Variants in PPEF2 observed in about 807,000 individuals in gnomAD.
PPEF2 encodes serine/threonine-protein phosphatase with EF-hands 2.
In PPEF2, 84 loss-of-function variants were observed where a neutral mutation model predicts 84.7. That is an observed-to-expected ratio of 0.99 (90% confidence interval 0.83 to 1.19). The LOEUF (loss-of-function observed/expected upper bound fraction) is 1.19, where lower values mean the gene tolerates loss of function less well. Ranked by LOEUF, PPEF2 falls within the 50% of genes most tolerant of loss-of-function variation. The pLI, the probability that PPEF2 is intolerant of heterozygous loss-of-function variation, is 0.00. For synonymous variants in PPEF2, 346 were observed against 345.2 expected, an observed-to-expected ratio of 1.00 and a Z score of -0.03; for missense variants, 924 against 937.5, an observed-to-expected ratio of 0.99 and a Z score of 0.19.
At chr4:75,873,072 C>A in intron 12 of PPEF2, 55 bp downstream of exon 12, 1 of 1,516,130 alleles carries the variant, frequency 6.6e-7, no homozygotes, top group South Asian at 1.2e-5. Flanking sequence ...GGCCTGAGCC[C>A]TTCGGACTAC....
intron 10 of PPEF2, among the ~76,000 whole-genome samples, chr4:75,877,363 A>C: frequency 5.5e-5 from 1 of 18,056 alleles, no homozygotes; most frequent in South Asian, 0.016. Context: ...AATAAAAAAG[A>C]GAGAGAGAAA....
intron 5 of PPEF2, 24 bp downstream of exon 5, chr4:75,889,933 C>A: frequency 1.2e-6 from 2 of 1,612,858 alleles, no homozygotes; most frequent in Non-Finnish European, 1.7e-6. Flanking sequence ...TTGGTAGTGA[C>A]CCAGGTTCCC....
intron 10 of PPEF2, among the ~76,000 whole-genome samples, chr4:75,882,176 C>T (rs1724592897): frequency 6.6e-6 from 1 of 152,206 alleles, no homozygotes; most frequent in East Asian, 1.9e-4. Context: ...AGGGCAGGCA[C>T]CATCTCTGTT....
chr4:75,890,848 AT>A (rs1309746239), intron 4 of PPEF2, among the ~76,000 whole-genome samples: 1 of 152,198 alleles, frequency 6.6e-6, no homozygotes, highest in Admixed American at 6.5e-5. Flanking sequence ...CTGAGGACTT[AT>A]TTCCTGGATC....
At chr4:75,861,614 G>GTTTTTTTTTTTTTTTTTTTTTTTT (rs71210216) in intron 16 of PPEF2, among the ~76,000 whole-genome samples, 2 of 86,144 alleles carry the variant, frequency 2.3e-5, no homozygotes, top group African/African-American at 3.3e-5. Context: ...TTATGCAACA[G>GTTTTTTTTTTTTTTTTTTTTTTTT]TTTTTTTTTT....
At chr4:75,871,139 C>T (rs1404805704) in intron 13 of PPEF2, among the ~76,000 whole-genome samples, 1 of 152,028 alleles carries the variant, frequency 6.6e-6, no homozygotes, top group Non-Finnish European at 1.5e-5. Flanking sequence ...AGGCCAGTCT[C>T]AAACTCCTGA....
Position 75,876,389 on chromosome 4 carries a change from GC to G in PPEF2, c.1217del (p.Gly406AlafsTer4). 1.2e-6 allele frequency: 2 copies of G among 1,614,152 alleles called. No individual in the cohort carries two copies. Among genetic ancestry groups the G allele is most frequent in the South Asian group, 1.1e-5 (1 of 91,084 alleles). Reference protein sequence around the residue: ...LELERCRQQAGLLVTGEKEEP... With the variant: ...LELERCRQQAXLLVTGEKEEP... ...CCTCTTTCTCTCCGGTCACCAGGAG[GC>G]CTGCTTGCTGCCGGCACCGCTCTAG... On this transcript the variant is annotated frameshift_variant, in exon 11 of 17. Coordinates refer to ENST00000286719, the MANE Select transcript of PPEF2 (RefSeq NM_006239.3). LOFTEE classifies it high-confidence loss of function.
Position 75,890,086 on chromosome 4 carries a change from G to C in PPEF2, c.288C>G (p.Asp96Glu). 6.2e-7 allele frequency: 1 copy of C among 1,614,134 alleles called. No homozygotes were observed. Among genetic ancestry groups the C allele is most frequent in the Non-Finnish European group, 8.5e-7 (1 of 1,180,024 alleles). Residue 96 changes from aspartate (D) to glutamate (E), a missense_variant, in exon 5 of 17, where the codon GAC becomes GAG. Physicochemically the swap from Asp to Glu is conservative, Grantham distance 45. Coordinates refer to ENST00000286719, the MANE Select transcript of PPEF2 (RefSeq NM_006239.3). ...AGTCACTGCATTTCTTCATCTCGGA[G>C]TCCTGGGCGAATCTGTCCTCAGTGA... ...RIFTEDRFAQ[D>E]SEMKKCSDYE...
chr4:75,898,440 C>A (rs1218172002), intron 1 of PPEF2, among the ~76,000 whole-genome samples: 2 of 152,204 alleles, frequency 1.3e-5, no homozygotes, highest in Non-Finnish European at 2.9e-5. Flanking sequence ...CTTAAGCTGG[C>A]TAACTTTATT....
rs770933484 is a variant in PPEF2, at chr4:75,891,972, T to C, written c.62A>G (p.Lys21Arg). 2 of 1,613,192 alleles carry C rather than the reference T, an allele frequency of 1.2e-6. No individual in the cohort carries two copies. The highest frequency in any genetic ancestry group is 1.7e-6 in the Non-Finnish European group (2 of 1,179,210). The change falls in exon 3 of 17, where the codon AAG (lysine) becomes AGG (arginine). Residue 21 changes from lysine (K) to arginine (R), a missense_variant. By Grantham distance (26) the Lys-to-Arg change is conservative. Coordinates refer to ENST00000286719, the MANE Select transcript of PPEF2 (RefSeq NM_006239.3). ...FAFQNAERAF[K>R]AAALIQRWYR... ...CCATCTCTGGATCAGGGCTGCTGCC[T>C]TGAAGGCTATGACACCGATGGAGAA...
intron 10 of PPEF2, among the ~76,000 whole-genome samples, chr4:75,880,021 G>T (rs940522884): frequency 4.0e-5 from 6 of 151,848 alleles, no homozygotes; most frequent in African/African-American, 1.5e-4. Context: ...TAGAGACGGG[G>T]GTTTCACCAT....
At chr4:75,884,093 A>G (rs1339973667) in intron 8 of PPEF2, among the ~76,000 whole-genome samples, 1 of 151,702 alleles carries the variant, frequency 6.6e-6, no homozygotes, top group Non-Finnish European at 1.5e-5. Flanking sequence ...AGATTGTGCC[A>G]TTGCACAGCC....
chr4:75,877,261 C>T lies in PPEF2; in HGVS notation c.934-588G>A, dbSNP rs181641324. Among the ~76,000 whole-genome samples, 525 of 151,634 alleles carry T rather than the reference C, an allele frequency of 3.5e-3. 1 individual carries two copies. The highest frequency in any genetic ancestry group is 5.3e-3 in the Non-Finnish European group (363 of 67,924). ...CTGAGGCAGGGGAATTGCTTGAACC[C>T]GGGAGGCGGAGGTTGCGGTGAGCCA... On this transcript the variant is annotated intron_variant, in intron 10 of 16. Coordinates refer to ENST00000286719, the MANE Select transcript of PPEF2 (RefSeq NM_006239.3).
At chr4:75,861,092 G>C (rs1007468943) in intron 16 of PPEF2, among the ~76,000 whole-genome samples, 172 bp from the exon 17 acceptor site, 2 of 152,140 alleles carry the variant, frequency 1.3e-5, no homozygotes, top group Non-Finnish European at 2.9e-5. Flanking sequence ...GCTCACCAAT[G>C]ATTTTCAGCT....
chr4:75,869,277 C>T (rs994046662), intron 13 of PPEF2, among the ~76,000 whole-genome samples: 2 of 152,152 alleles, frequency 1.3e-5, no homozygotes, highest in South Asian at 4.1e-4. Flanking sequence ...CCTGTCCCTA[C>T]GTCAAGTAAC....
intron 15 of PPEF2, among the ~76,000 whole-genome samples, chr4:75,864,973 G>T (rs1047899173): frequency 6.6e-6 from 1 of 152,134 alleles, no homozygotes; most frequent in Non-Finnish European, 1.5e-5. Context: ...TTTCACTCTT[G>T]TTGTCCAGGC....
At chr4:75,869,780 G>A (rs919952001) in intron 13 of PPEF2, among the ~76,000 whole-genome samples, 1 of 152,068 alleles carries the variant, frequency 6.6e-6, no homozygotes, top group African/African-American at 2.4e-5. Flanking sequence ...CTAGCAGGTC[G>A]AGGCTGCAGT....
chr4:75,862,959 C>A (rs777448444), intron 16 of PPEF2, among the ~76,000 whole-genome samples: 4 of 152,122 alleles, frequency 2.6e-5, no homozygotes, highest in Non-Finnish European at 5.9e-5. Context: ...GAATATTATT[C>A]AGTCATAAAA....
chr4:75,863,875 CTTT>C (rs1276118881), intron 16 of PPEF2, among the ~76,000 whole-genome samples: 1 of 143,166 alleles, frequency 7.0e-6, no homozygotes, highest in Non-Finnish European at 1.5e-5. Context: ...TTTCTTTCTT[CTTT>C]TTTTTTTTTT....
Sources: gnomAD v4.1 joint callset for allele counts (sites outside exome capture counted in the v4.1 genomes callset) on GRCh38, gnomAD v4.1.1 for gene constraint, MANE v1.5 for transcripts, NCBI Gene and HGNC (gene_info 2026-07-23, HGNC 2026-07-21) for gene names.